The following COP1 variants were observed in gnomAD, a reference collection of about 807,000 sequenced individuals.
The protein encoded by COP1 is COP1 E3 ubiquitin ligase, also known as E3 ubiquitin-protein ligase COP1.
A neutral mutation model predicts 101.3 loss-of-function variants in COP1; 24 were observed. That is an observed-to-expected ratio of 0.24 (90% CI 0.17 to 0.33). The LOEUF (loss-of-function observed/expected upper bound fraction) is 0.33, where lower values mean the gene tolerates loss of function less well. Among genes scored for constraint, COP1 ranks in the 10% least tolerant of loss-of-function variants. The pLI is 1.00. For missense variants in COP1, 663 were observed against 906.2 expected, an observed-to-expected ratio of 0.73 and a Z score of 3.45; for synonymous variants, 347 against 341.9, an observed-to-expected ratio of 1.01 and a Z score of -0.17.
intron 1 of COP1, 82 bp downstream of exon 1, chr1:176,206,490 C>A: frequency 6.5e-7 from 1 of 1,537,126 alleles, no homozygotes; most frequent in Non-Finnish European, 8.8e-7. Flanking sequence ...CAAGCCACCC[C>A]CACACCAGAC....
At chr1:176,054,507 G>C (rs1673116065) in intron 11 of COP1, among the ~76,000 whole-genome samples, 1 of 152,146 alleles carries the variant, frequency 6.6e-6, no homozygotes. Flanking sequence ...AAAAGAACAA[G>C]GAGATATACT....
intron 1 of COP1, among the ~76,000 whole-genome samples, chr1:176,187,856 T>C (rs2102083959): frequency 6.6e-6 from 1 of 152,178 alleles, no homozygotes; most frequent in Admixed American, 6.5e-5. Flanking sequence ...GGTCTGATAT[T>C]TGTGTTCTCC....
intron 8 of COP1, among the ~76,000 whole-genome samples, chr1:176,122,126 C>G (rs1030688524): frequency 9.4e-5 from 10 of 105,896 alleles, no homozygotes; most frequent in African/African-American, 3.9e-4. Flanking sequence ...GGCGACAGAG[C>G]AAGACTGCAT....
In COP1 at chr1:176,176,960, C is replaced by A. The variant is rs75893458; in HGVS notation, c.468-953G>T. ...GGAAAAACCTTAAGGTTTTTACATA[C>A]CCTTTTGAATATTTTACTTCTAGGA... On this transcript the variant is annotated intron_variant, in intron 2 of 19. Transcript: ENST00000367669. Among the ~76,000 whole-genome samples the A allele has an allele frequency of 3.3e-5, 5 of 152,146 alleles. No individual in the cohort carries two copies. In the South Asian group the frequency reaches 8.3e-4, roughly 25 times the overall value.
intron 5 of COP1, among the ~76,000 whole-genome samples, chr1:176,151,393 G>GAA (rs1192304762): frequency 8.2e-6 from 1 of 122,646 alleles, no homozygotes; most frequent in South Asian, 2.8e-4. Flanking sequence ...AAGAAAGAAA[G>GAA]AAAGAAAGAA....
intron 6 of COP1, among the ~76,000 whole-genome samples, chr1:176,146,616 T>C (rs1426567921): frequency 6.6e-6 from 1 of 152,240 alleles, no homozygotes; most frequent in Non-Finnish European, 1.5e-5. Context: ...TGAGTGAGCT[T>C]GGAAAGTTCC....
chr1:176,198,508 A>G (rs897758481), intron 1 of COP1, among the ~76,000 whole-genome samples: 2 of 152,204 alleles, frequency 1.3e-5, no homozygotes, highest in African/African-American at 2.4e-5. Context: ...TTCTAGTAGA[A>G]AATATACAAG....
At chr1:176,016,734 T>A (rs2148990151) in intron 15 of COP1, among the ~76,000 whole-genome samples, 1 of 152,052 alleles carries the variant, frequency 6.6e-6, no homozygotes, top group South Asian at 2.1e-4. Flanking sequence ...GAATGACTCT[T>A]TTTTTAAAAA....
chr1:176,175,928 G>T lies in COP1; in HGVS notation c.547C>A (p.Leu183Met). The T allele has an allele frequency of 6.4e-7, 1 of 1,560,720 alleles. No homozygotes were observed. Among genetic ancestry groups the T allele is most frequent in the Non-Finnish European group, 8.8e-7 (1 of 1,136,580 alleles). Residue 183 changes from leucine (L) to methionine (M), a missense_variant, in exon 3 of 20, where the codon CTG becomes ATG. Transcript: ENST00000367669. ...CNYVVDNIDH[L>M]YPNFLVNELI... The stretch of plus-strand genomic sequence containing the variant: ...GACTCACCCAAGAAATTAGGATACA[G>T]ATGGTCAATATTGTCCACAACATAG...
At chr1:175,960,945 G>A (rs1651261734) in intron 18 of COP1, among the ~76,000 whole-genome samples, 1 of 152,216 alleles carries the variant, frequency 6.6e-6, no homozygotes. Flanking sequence ...AGCCCTCAAT[G>A]TGGATAGGCA....
chr1:176,117,559 G>A (rs191623774), intron 8 of COP1, among the ~76,000 whole-genome samples: 6 of 152,154 alleles, frequency 3.9e-5, no homozygotes, highest in Admixed American at 2.0e-4. Context: ...CCGTATAAAC[G>A]ATTATTTACT....
chr1:176,054,854 A>G (rs560493325), intron 11 of COP1, among the ~76,000 whole-genome samples: 1 of 152,310 alleles, frequency 6.6e-6, no homozygotes, highest in South Asian at 2.1e-4. Flanking sequence ...TCCTAATACC[A>G]TAACTTTACA....
At chr1:175,983,257 T>C (rs1432207624) in intron 18 of COP1, among the ~76,000 whole-genome samples, 1 of 152,160 alleles carries the variant, frequency 6.6e-6, no homozygotes. Context: ...TGAATTCCCA[T>C]ATGTTGTGGA....
At chr1:176,003,835 C>T (rs1229081021) in intron 15 of COP1, among the ~76,000 whole-genome samples, 1 of 151,994 alleles carries the variant, frequency 6.6e-6, no homozygotes, top group Non-Finnish European at 1.5e-5. Context: ...GCGATGTGGG[C>T]TCTTTTTTGG....
At chr1:176,039,833 T>C (rs1474074014) in intron 14 of COP1, among the ~76,000 whole-genome samples, 1 of 151,994 alleles carries the variant, frequency 6.6e-6, no homozygotes, top group Non-Finnish European at 1.5e-5. Context: ...TTTCAACAAG[T>C]GATGATGGAA....
intron 8 of COP1, among the ~76,000 whole-genome samples, chr1:176,130,628 ATAAT>A (rs1688732819): frequency 6.6e-6 from 1 of 151,804 alleles, no homozygotes; most frequent in African/African-American, 2.4e-5. Context: ...CAAGATTAAA[ATAAT>A]TAACCTATTA....
chr1:176,075,242 A>C, intron 11 of COP1, among the ~76,000 whole-genome samples: 1 of 152,140 alleles, frequency 6.6e-6, no homozygotes, highest in East Asian at 1.9e-4. Context: ...AAAATAAAGG[A>C]ATGTATGATT....
chr1:176,002,229 T>C (rs1235475666), intron 15 of COP1, among the ~76,000 whole-genome samples: 1 of 152,160 alleles, frequency 6.6e-6, no homozygotes, highest in African/African-American at 2.4e-5. Context: ...GCATGCTTGA[T>C]GGTGTCTCCA....
intron 9 of COP1, among the ~76,000 whole-genome samples, chr1:176,104,278 G>A (rs1385389243): frequency 6.6e-6 from 1 of 152,030 alleles, no homozygotes; most frequent in Non-Finnish European, 1.5e-5. Flanking sequence ...CCTGGTTGTA[G>A]GGAGAAGCTT....
Sources: gnomAD v4.1 joint callset for allele counts (sites outside exome capture counted in the v4.1 genomes callset) on GRCh38, gnomAD v4.1.1 for gene constraint, MANE v1.5 for transcripts, NCBI Gene and HGNC (gene_info 2026-07-23, HGNC 2026-07-21) for gene names.